Variants in FLNB observed in about 807,000 individuals in gnomAD.
FLNB encodes the protein filamin B, also known as filamin-B.
In FLNB, 111 loss-of-function variants were observed where a neutral mutation model predicts 250.6. That is an observed-to-expected ratio of 0.44 (90% CI 0.38 to 0.52). The LOEUF (loss-of-function observed/expected upper bound fraction) is 0.52, where lower values mean the gene tolerates loss of function less well. FLNB is among the 20% of genes least tolerant of loss of function. The pLI, the probability that FLNB is intolerant of heterozygous loss-of-function variation, is 0.00. For synonymous variants in FLNB, 1,302 were observed against 1,372.1 expected (o/e 0.95, Z 1.13); for missense variants, 2,869 against 3,447.8 (o/e 0.83, Z 4.20).
At chr3:58,083,118 T>G (rs1002553385) in intron 4 of FLNB, among the ~76,000 whole-genome samples, 7 of 152,200 alleles carry the variant, frequency 4.6e-5, no homozygotes, top group African/African-American at 1.7e-4. Flanking sequence ...TTCTCTATTG[T>G]CCTAAGATTA....
Position 58,035,626 on chromosome 3 carries a change from C to T in FLNB, c.292+26770C>T, listed in dbSNP as rs117948013. Among the ~76,000 whole-genome samples the T allele has an allele frequency of 4.8e-4, 73 of 152,188 alleles. No homozygotes were observed. The East Asian group carries it at 0.013, about 27-fold the overall frequency. Reference sequence around the variant, plus strand: ...GTAGCTCAACCACAGTGACTCTCCCCAATTAAAAACTAAAAAAAGATCCGT... The same window carrying T: ...GTAGCTCAACCACAGTGACTCTCCCTAATTAAAAACTAAAAAAAGATCCGT... On this transcript the variant is annotated intron_variant, in intron 1 of 45. Transcript: ENST00000295956.
At chr3:58,121,772 A>G (rs1044792055) in intron 20 of FLNB, among the ~76,000 whole-genome samples, 2 of 152,156 alleles carry the variant, frequency 1.3e-5, no homozygotes, top group Non-Finnish European at 2.9e-5. Context: ...CTACAAAGCC[A>G]GCCTGTAAGG....
At position 58,124,519 on chromosome 3, in the gene FLNB, T is replaced by C; in HGVS notation, c.3898+14T>C. 6.2e-7 allele frequency: 1 copy of C among 1,614,022 alleles called. No homozygotes were observed. The highest frequency in any genetic ancestry group is 8.5e-7 in the Non-Finnish European group (1 of 1,179,944). On this transcript the variant is annotated intron_variant, in intron 22 of 45. Transcript: ENST00000295956. ...CCTTTGAGAAAGGTGAGCCGCCCTG[T>C]CCTCGGACTGGACCCTCGTTCAGAG...
intron 1 of FLNB, among the ~76,000 whole-genome samples, chr3:58,071,096 A>G (rs930668817): frequency 1.5e-4 from 23 of 151,304 alleles, no homozygotes; most frequent in African/African-American, 5.6e-4. Flanking sequence ...ACTAATGGGC[A>G]TGCACCACTA....
chr3:58,137,159 G>C (rs1339566460), intron 28 of FLNB, among the ~76,000 whole-genome samples: 1 of 152,200 alleles, frequency 6.6e-6, no homozygotes, highest in African/African-American at 2.4e-5. Flanking sequence ...GACCACCCTT[G>C]ATGTGTTCTG....
chr3:58,143,516 T>C lies in FLNB; in HGVS notation c.5328T>C (p.Ile1776=), dbSNP rs751011394. The C allele has an allele frequency of 6.8e-6, 11 of 1,614,120 alleles. No individual in the cohort carries two copies. In the South Asian group the frequency reaches 1.1e-4, roughly 16 times the overall value. ...MPSGKTATPE[I]VDNKDGTVTV... ...CTGGGAAGACAGCCACACCTGAGAT[T>C]GTGGACAACAAGGACGGCACGGTCA... The change falls in exon 32 of 46, where the codon ATT becomes ATC. Residue 1776 remains isoleucine (I), a synonymous_variant. Transcript: ENST00000295956.
intron 14 of FLNB, 107 bp downstream of exon 14, chr3:58,109,429 C>T (rs2097264833): frequency 1.5e-5 from 24 of 1,583,370 alleles, no homozygotes; most frequent in Non-Finnish European, 2.0e-5. Flanking sequence ...AGGAACCCAT[C>T]CCTGGTGGGC....
At chr3:58,084,987 G>A (rs997301022) in intron 4 of FLNB, among the ~76,000 whole-genome samples, 7 of 152,186 alleles carry the variant, frequency 4.6e-5, no homozygotes, top group Non-Finnish European at 1.0e-4. Context: ...GGTTCACCAT[G>A]TTGTAGCATG....
intron 43 of FLNB, among the ~76,000 whole-genome samples, chr3:58,166,813 C>G (rs1411668165): frequency 9.6e-6 from 1 of 103,880 alleles, no homozygotes; most frequent in Non-Finnish European, 1.9e-5. Context: ...CAGAGGAAGA[C>G]TTTATCTAAA....
chr3:58,108,439 C>G lies in FLNB; in HGVS notation c.1942-19C>G, dbSNP rs1282430809. On this transcript the variant is annotated intron_variant, in intron 12 of 45. Transcript: ENST00000295956. ...GGGGCATTACACAGAAAGAGACTTA[C>G]TATCTGCCTTTGCTTCAGGTTCGAG... 9 of 1,527,734 alleles carry G rather than the reference C, an allele frequency of 5.9e-6. No individual in the cohort carries two copies. Among genetic ancestry groups the G allele is most frequent in the Non-Finnish European group, 8.2e-6 (9 of 1,101,734 alleles). The allele number at this position is 1,527,734 out of a possible 1,614,324, so 94.6% of individuals were successfully genotyped here.
chr3:58,121,644 C>G, intron 20 of FLNB, 141 bp downstream of exon 20: 1 of 1,079,172 alleles, frequency 9.3e-7, no homozygotes, highest in Non-Finnish European at 1.4e-6. Context: ...GAAAGGTCCC[C>G]TGGGTAGGTG....
chr3:58,089,239 TA>T (rs1416616659), intron 4 of FLNB, among the ~76,000 whole-genome samples: 3 of 151,934 alleles, frequency 2.0e-5, no homozygotes, highest in Non-Finnish European at 4.4e-5. Context: ...AAGCAGCCAT[TA>T]AAAAAGGCTT....
At chr3:58,116,406 C>T (rs1224497513) in intron 18 of FLNB, among the ~76,000 whole-genome samples, 1 of 152,134 alleles carries the variant, frequency 6.6e-6, no homozygotes, top group South Asian at 2.1e-4. Context: ...GCGCTTCCCC[C>T]TCAGAACACA....
intron 2 of FLNB, chr3:58,078,213 A>G (rs181378649): frequency 3.2e-6 from 4 of 1,248,676 alleles, no homozygotes; most frequent in Non-Finnish European, 4.1e-6. Flanking sequence ...ATTTAAGGAC[A>G]CATTTTAGGA....
intron 4 of FLNB, among the ~76,000 whole-genome samples, chr3:58,083,086 A>G (rs2097211473): frequency 6.6e-6 from 1 of 152,286 alleles, no homozygotes; most frequent in Admixed American, 6.5e-5. Flanking sequence ...CATATAATCT[A>G]ATATTCAGTT....
At chr3:58,106,373 T>C (rs2097259653) in intron 11 of FLNB, among the ~76,000 whole-genome samples, 1 of 146,804 alleles carries the variant, frequency 6.8e-6, no homozygotes, top group African/African-American at 2.5e-5. Flanking sequence ...TATATATATA[T>C]ATATCCTCCT....
intron 1 of FLNB, among the ~76,000 whole-genome samples, chr3:58,050,283 C>T (rs2106836869): frequency 6.6e-6 from 1 of 152,272 alleles, no homozygotes; most frequent in South Asian, 2.1e-4. Flanking sequence ...CCGCCTCGGC[C>T]TCCCAAAGTG....
At chr3:58,056,024 CTG>C (rs1284684598) in intron 1 of FLNB, among the ~76,000 whole-genome samples, 1 of 151,572 alleles carries the variant, frequency 6.6e-6, no homozygotes, top group Non-Finnish European at 1.5e-5. Context: ...GCTAATACAC[CTG>C]TGTTTTATGG....
At position 58,169,097 on chromosome 3, in the gene FLNB, C is replaced by T. The variant is rs1343035379; in HGVS notation, c.7417+439C>T. On this transcript the variant is annotated intron_variant, in intron 44 of 45. Coordinates refer to ENST00000295956, the MANE Select transcript of FLNB (RefSeq NM_001457.4). The surrounding 1 kb of genome is among the most constrained non-coding windows in gnomAD (Gnocchi z 4.8). ...CCACCCAAGGTAACCACCATAAACA[C>T]TGTAGTAAATCCCTTCCACACGTCA... is the stretch of plus-strand genomic sequence containing the variant. 6.9e-6 allele frequency: 2 copies of T among 291,266 alleles called. No individual in the cohort carries two copies. The highest frequency in any genetic ancestry group is 4.4e-5 in the African/African-American group (2 of 45,820). The allele number at this position is 291,266 out of a possible 1,614,324, so 18.0% of individuals were successfully genotyped here. A position where few individuals can be genotyped will look rare whatever the true frequency, so the allele number is the denominator to read the frequency against.
Sources: gnomAD v4.1 joint callset for allele counts (sites outside exome capture counted in the v4.1 genomes callset) on GRCh38, gnomAD v4.1.1 for gene constraint, Gnocchi (gnomAD v3.1) non-coding constraint, MANE v1.5 for transcripts, NCBI Gene and HGNC (gene_info 2026-07-23, HGNC 2026-07-21) for gene names.